The following SLC1A2 variants were observed in gnomAD, a reference collection of about 807,000 sequenced individuals.
SLC1A2 encodes solute carrier family 1 member 2, also known as excitatory amino acid transporter 2.
In SLC1A2, 15 loss-of-function variants were observed where a neutral mutation model predicts 48.8. That is an observed-to-expected ratio of 0.31 (90% CI 0.21 to 0.47). The LOEUF is 0.47. Among genes scored for constraint, SLC1A2 ranks in the 20% least tolerant of loss-of-function variants. SLC1A2 has a pLI of 0.99. For synonymous variants in SLC1A2, 279 were observed against 272.6 expected (o/e 1.02, Z -0.23); for missense variants, 502 against 730.5 (o/e 0.69, Z 3.61).
At chr11:35,326,977 A>G (rs1450545598) in intron 1 of SLC1A2, among the ~76,000 whole-genome samples, 5 of 152,234 alleles carry the variant, frequency 3.3e-5, no homozygotes, top group African/African-American at 1.2e-4. Flanking sequence ...TAGGTCCTGG[A>G]CAGAACCATA....
chr11:35,283,569 C>A (rs951659344), intron 8 of SLC1A2, among the ~76,000 whole-genome samples: 1 of 150,266 alleles, frequency 6.7e-6, no homozygotes, highest in African/African-American at 2.5e-5. Flanking sequence ...AGAATTTAAG[C>A]ACAAATTCAA....
At chr11:35,394,051 G>A (rs982007442) in intron 1 of SLC1A2, among the ~76,000 whole-genome samples, 11 of 151,990 alleles carry the variant, frequency 7.2e-5, no homozygotes, top group African/African-American at 2.7e-4. Context: ...TCCTCCCTTG[G>A]CAATTTTCAA....
At chr11:35,296,298 T>C (rs1851171139) in intron 6 of SLC1A2, among the ~76,000 whole-genome samples, 2 of 152,332 alleles carry the variant, frequency 1.3e-5, no homozygotes, top group South Asian at 4.1e-4. Flanking sequence ...ACGTTTCCAA[T>C]AGCTTGTCAA....
chr11:35,273,896 A>G (rs566404932), intron 9 of SLC1A2, among the ~76,000 whole-genome samples: 3 of 152,218 alleles, frequency 2.0e-5, no homozygotes, highest in Non-Finnish European at 4.4e-5. Flanking sequence ...TTTCGTGGTA[A>G]AAAGTCAGGA....
chr11:35,363,672 G>C (rs7931955), intron 1 of SLC1A2, among the ~76,000 whole-genome samples: 33,306 of 152,032 alleles, frequency 0.22, 4,251 homozygotes, highest in African/African-American at 0.35. Context: ...TTATTATTAT[G>C]TCCATCTTCT....
chr11:35,412,985 G>T (rs2756221), intron 1 of SLC1A2, among the ~76,000 whole-genome samples: 13,739 of 152,004 alleles, frequency 0.09, 1,590 homozygotes, highest in African/African-American at 0.28. Flanking sequence ...TTTGGGGGGT[G>T]GGGGGAAAGG....
At chr11:35,395,274 T>C (rs1370869601) in intron 1 of SLC1A2, among the ~76,000 whole-genome samples, 2 of 152,098 alleles carry the variant, frequency 1.3e-5, no homozygotes, top group African/African-American at 2.4e-5. Flanking sequence ...TTTTTTTTTT[T>C]TCTCTTAACT....
At chr11:35,268,084 G>A (rs893835334) in intron 9 of SLC1A2, among the ~76,000 whole-genome samples, 1 of 152,204 alleles carries the variant, frequency 6.6e-6, no homozygotes, top group Non-Finnish European at 1.5e-5. Context: ...GCTACAGACT[G>A]TTTCTGTGAT....
intron 1 of SLC1A2, chr11:35,322,827 A>T: frequency 1.4e-6 from 1 of 691,804 alleles, no homozygotes; most frequent in Non-Finnish European, 2.6e-6. Context: ...ATTGTCCCAC[A>T]TCCAGGGTTT....
At chr11:35,315,559 C>T (rs546142473) in intron 2 of SLC1A2, 30 of 160,414 alleles carry the variant, frequency 1.9e-4, no homozygotes, top group Middle Eastern at 3.2e-3. Context: ...TTTGGGAGGC[C>T]GAGGCGAGTG....
intron 9 of SLC1A2, among the ~76,000 whole-genome samples, chr11:35,268,396 G>A (rs1850167834): frequency 6.6e-6 from 1 of 152,148 alleles, no homozygotes; most frequent in African/African-American, 2.4e-5. Context: ...TAGTTTATAG[G>A]CTGGGCATGG....
At chr11:35,295,588 C>G (rs1851144878) in intron 6 of SLC1A2, among the ~76,000 whole-genome samples, 2 of 152,142 alleles carry the variant, frequency 1.3e-5, no homozygotes, top group African/African-American at 4.8e-5. Context: ...AAATAATGCC[C>G]AGTGATTGTT....
intron 8 of SLC1A2, among the ~76,000 whole-genome samples, chr11:35,282,985 C>T (rs987504081): frequency 3.4e-5 from 5 of 148,516 alleles, no homozygotes; most frequent in African/African-American, 1.3e-4. Flanking sequence ...CCCTGGCTCA[C>T]TTCTCTAGGG....
chr11:35,275,487 G>A (rs1274445200), intron 9 of SLC1A2, among the ~76,000 whole-genome samples: 1 of 152,210 alleles, frequency 6.6e-6, no homozygotes, highest in East Asian at 1.9e-4. Context: ...GACGCAAAGG[G>A]CTTCCTGGAC....
chr11:35,291,087 A>G (rs1352120860), intron 7 of SLC1A2, among the ~76,000 whole-genome samples: 1 of 152,188 alleles, frequency 6.6e-6, no homozygotes, highest in Admixed American at 6.5e-5. Context: ...TTCTGCAACA[A>G]GGACCTGAAT....
intron 1 of SLC1A2, among the ~76,000 whole-genome samples, chr11:35,357,504 G>T (rs868067957): frequency 6.6e-6 from 1 of 152,172 alleles, no homozygotes; most frequent in Non-Finnish European, 1.5e-5. Context: ...GGAATATGGT[G>T]CATGGAACAA....
At chr11:35,392,718 T>C (rs886399922) in intron 1 of SLC1A2, among the ~76,000 whole-genome samples, 2 of 152,110 alleles carry the variant, frequency 1.3e-5, no homozygotes, top group African/African-American at 4.8e-5. Flanking sequence ...CCCCGAGTCC[T>C]CCTCCCAGTA....
chr11:35,415,047 A>G (rs1855567185), intron 1 of SLC1A2, among the ~76,000 whole-genome samples: 3 of 152,334 alleles, frequency 2.0e-5, no homozygotes, highest in Admixed American at 2.0e-4. Context: ...ATCATGAAAA[A>G]GCTTTGCAAT....
At chr11:35,266,107 T>A (rs929663762) in intron 9 of SLC1A2, among the ~76,000 whole-genome samples, 5 of 152,170 alleles carry the variant, frequency 3.3e-5, no homozygotes, top group African/African-American at 4.8e-5. Context: ...AAATCAGAAC[T>A]AGTACACAGG....
Sources: allele counts gnomAD v4.1 joint callset (sites outside exome capture counted in the v4.1 genomes callset), GRCh38; gene constraint gnomAD v4.1.1; transcripts MANE v1.5; gene names NCBI Gene and HGNC (gene_info 2026-07-23, HGNC 2026-07-21).